The following SORT1 variants were observed in gnomAD, a reference collection of about 807,000 sequenced individuals.
SORT1 encodes the protein sortilin.
SORT1 carries 39 observed loss-of-function variants against 101.7 expected under a neutral mutation model. The ratio of observed to expected loss-of-function variants is 0.38; its 90% CI spans 0.30 to 0.50. The LOEUF (loss-of-function observed/expected upper bound fraction) is 0.50, where lower values mean the gene tolerates loss of function less well. Ranked by LOEUF, SORT1 falls within the 20% of genes least tolerant of loss-of-function variation. SORT1 has a pLI of 0.90. For missense variants in SORT1, 878 were observed against 1,040.4 expected (o/e 0.84, Z 2.15); for synonymous variants, 396 against 393.7 (o/e 1.01, Z -0.07).
chr1:109,365,376 C>T (rs570963690), intron 3 of SORT1, among the ~76,000 whole-genome samples: 133 of 152,252 alleles, frequency 8.7e-4, no homozygotes, highest in African/African-American at 3.0e-3. Context: ...GTGTGTGACA[C>T]CATGCCCAGC....
Position 109,311,314 on chromosome 1 carries a change from C to T in SORT1, c.*2729G>A, listed in dbSNP as rs1005573400. On this transcript the variant is annotated 3_prime_UTR_variant, in exon 20 of 20. Coordinates refer to ENST00000256637, the MANE Select transcript of SORT1 (RefSeq NM_002959.7). ...CCAGAAATGATCTCTTCTGCTACAT[C>T]AAGCCTGGGAGTTTACACAATGATA... The T allele has an allele frequency of 4.6e-5, 7 of 152,226 alleles. No individual in the cohort carries two copies. Among genetic ancestry groups the T allele is most frequent in the African/African-American group, 1.7e-4 (7 of 41,450 alleles). The allele number at this position is 152,226 out of a possible 1,614,324, so 9.4% of individuals were successfully genotyped here. A position where few individuals can be genotyped will look rare whatever the true frequency, so the allele number is the denominator to read the frequency against.
chr1:109,316,703 T>A (rs2101526521), intron 17 of SORT1, 147 bp downstream of exon 17: 2 of 572,728 alleles, frequency 3.5e-6, no homozygotes, highest in Non-Finnish European at 6.2e-6. Flanking sequence ...TCCTTCATGC[T>A]AACAGCTTCC....
rs770876076 is a variant in SORT1, at chr1:109,340,851, T to C, written c.1137A>G (p.Ser379=). 1.9e-6 allele frequency: 3 copies of C among 1,613,738 alleles called. No individual in the cohort carries two copies. Among genetic ancestry groups the C allele is most frequent in the Non-Finnish European group, 2.5e-6 (3 of 1,179,730 alleles). ...GDTGFGTIFT[S]DDRGIVYSKS... ...TGGAATAGACAATGCCTCGATCATC[T>C]GAGGTAAAGATTGTGCCAAACCCAG... The change falls in exon 10 of 20, where the codon TCA becomes TCG. Residue 379 remains serine, a synonymous_variant. Transcript: ENST00000256637.
chr1:109,349,151 C>T (rs566074046), intron 6 of SORT1, among the ~76,000 whole-genome samples: 54 of 152,178 alleles, frequency 3.5e-4, no homozygotes, highest in Non-Finnish European at 5.3e-4. Flanking sequence ...TTGAGACCAG[C>T]TTGGCCAACA....
At chr1:109,370,003 C>T (rs1241976972) in intron 1 of SORT1, among the ~76,000 whole-genome samples, 1 of 152,182 alleles carries the variant, frequency 6.6e-6, no homozygotes, top group Non-Finnish European at 1.5e-5. Flanking sequence ...TTCTGGGCAT[C>T]CTTTACAGTA....
chr1:109,320,992 T>C (rs185595490), intron 15 of SORT1, among the ~76,000 whole-genome samples: 8 of 152,194 alleles, frequency 5.3e-5, no homozygotes, highest in Admixed American at 2.6e-4. Context: ...GGCTCTGGAG[T>C]TGGGATGCCA....
intron 1 of SORT1, among the ~76,000 whole-genome samples, chr1:109,381,790 G>A (rs938122687): frequency 1.3e-5 from 2 of 152,082 alleles, no homozygotes; most frequent in Non-Finnish European, 2.9e-5. Context: ...TTTGAGCCCA[G>A]GAGGTCAAGG....
chr1:109,340,707 G>T lies in SORT1; in HGVS notation c.1264+17C>A. ...GCAGCTGAAGGCACAGTACACCACT[G>T]CGATGCCGAGACTCACCTTCGGAGA... is the stretch of plus-strand genomic sequence containing the variant. On this transcript the variant is annotated intron_variant, in intron 10 of 19. Coordinates refer to ENST00000256637, the MANE Select transcript of SORT1 (RefSeq NM_002959.7). 1 of 1,613,752 alleles carries T rather than the reference G, an allele frequency of 6.2e-7. No individual in the cohort carries two copies. Among genetic ancestry groups the T allele is most frequent in the Non-Finnish European group, 8.5e-7 (1 of 1,179,800 alleles).
chr1:109,329,020 G>A (rs938886108), intron 11 of SORT1, among the ~76,000 whole-genome samples: 25 of 152,002 alleles, frequency 1.6e-4, no homozygotes, highest in South Asian at 4.1e-4. Context: ...CAGGCCTGCC[G>A]CAGAGGACCC....
Position 109,347,487 on chromosome 1 carries a change from G to A in SORT1, c.828C>T (p.Ser276=), listed in dbSNP as rs1481193289. 14 of 1,606,260 alleles carry A rather than the reference G, an allele frequency of 8.7e-6. No homozygotes were observed. The highest frequency in any genetic ancestry group is 1.2e-5 in the Non-Finnish European group (14 of 1,173,066). ...TIFFTTYANG[S]CKADLGALEL... ...CTGGGACTAAAATATACTTACTGCA[G>A]GAGCCATTTGCATAGGTTGTAAAGA... The change falls in exon 7 of 20, where the codon TCC becomes TCT. Residue 276 remains serine (S), a synonymous_variant. Transcript: ENST00000256637.
At chr1:109,345,716 A>G (rs779992863) in intron 8 of SORT1, 35 bp downstream of exon 8, 2 of 1,576,500 alleles carry the variant, frequency 1.3e-6, no homozygotes, top group East Asian at 2.2e-5. Flanking sequence ...ATTTGCAGAA[A>G]TATCAGACCC....
At chr1:109,335,336 G>A (rs769316808) in intron 11 of SORT1, among the ~76,000 whole-genome samples, 4 of 152,172 alleles carry the variant, frequency 2.6e-5, no homozygotes, top group Non-Finnish European at 4.4e-5. Context: ...AACCTGCCCA[G>A]GCTTAAGGTG....
intron 11 of SORT1, among the ~76,000 whole-genome samples, chr1:109,333,272 T>A (rs1648582595): frequency 6.6e-6 from 1 of 152,072 alleles, no homozygotes; most frequent in Non-Finnish European, 1.5e-5. Context: ...CAAAATGGAT[T>A]AGAGACATAA....
In SORT1 at chr1:109,322,915, C is replaced by G. The variant is rs371083926; in HGVS notation, c.2024+17G>C. On this transcript the variant is annotated intron_variant, in intron 15 of 19. Transcript: ENST00000256637. Reference sequence around the variant, plus strand: ...AACAGGGAAAGGGAGACAGAGAAATCTGAGGAATGCTGATACCAGAGAAAG... The same window carrying G: ...AACAGGGAAAGGGAGACAGAGAAATGTGAGGAATGCTGATACCAGAGAAAG... The G allele has an allele frequency of 1.0e-4, 166 of 1,596,042 alleles. No individual in the cohort carries two copies. The highest frequency in any genetic ancestry group is 1.4e-4 in the Non-Finnish European group (161 of 1,166,130).
intron 11 of SORT1, among the ~76,000 whole-genome samples, chr1:109,334,446 A>G (rs1648672137): frequency 6.6e-6 from 1 of 152,202 alleles, no homozygotes; most frequent in Non-Finnish European, 1.5e-5. Context: ...AAAGACAAAT[A>G]CTGCATGATC....
In SORT1 at chr1:109,316,926, C is replaced by T; in HGVS notation, c.2174G>A (p.Gly725Asp). Residue 725 changes from glycine to aspartate, a missense_variant, in exon 17 of 20, where the codon GGT becomes GAT. This residue lies in a region of SORT1 where 684 missense variants were observed against 894.5 expected (regional missense o/e 0.76). Coordinates refer to ENST00000256637, the MANE Select transcript of SORT1 (RefSeq NM_002959.7). ...TACTTCTCGAACTGGATTTACCCCA[C>T]CCTGGCATTTGTCCCCTGGAATTTT... is the stretch of plus-strand genomic sequence containing the variant. ...YRKIPGDKCQGGVNPVREVKD... is the reference protein window; with the variant it reads ...YRKIPGDKCQDGVNPVREVKD... The T allele has an allele frequency of 1.2e-6, 2 of 1,610,908 alleles. No homozygotes were observed. The highest frequency in any genetic ancestry group is 1.7e-4 in the Middle Eastern group (1 of 6,060).
At chr1:109,374,136 G>T (rs1482994229) in intron 1 of SORT1, among the ~76,000 whole-genome samples, 1 of 151,870 alleles carries the variant, frequency 6.6e-6, no homozygotes, top group East Asian at 1.9e-4. Context: ...AAGAAATCAG[G>T]ACCCATAATG....
In SORT1 at chr1:109,309,767, C is replaced by T. The variant is rs1385135984; in HGVS notation, c.*4276G>A. ...GTAACTGACGTGGGTCACTGAAACT[C>T]GATTATCCCACCTCACATGCAATTT... On this transcript the variant is annotated 3_prime_UTR_variant, in exon 20 of 20. Coordinates refer to ENST00000256637, the MANE Select transcript of SORT1 (RefSeq NM_002959.7). The T allele has an allele frequency of 6.6e-6, 1 of 152,176 alleles. No homozygotes were observed. Among genetic ancestry groups the T allele is most frequent in the Non-Finnish European group, 1.5e-5 (1 of 68,036 alleles). 9.4% of individuals were successfully genotyped at this position (152,176 alleles called of 1,614,324 possible). A position where few individuals can be genotyped will look rare whatever the true frequency, so the allele number is the denominator to read the frequency against.
At chr1:109,315,103 T>C (rs1197281590) in intron 17 of SORT1, among the ~76,000 whole-genome samples, 2 of 152,108 alleles carry the variant, frequency 1.3e-5, no homozygotes, top group Admixed American at 6.5e-5. Flanking sequence ...GTCTTGGGGC[T>C]TAAGGGTGGA....
Sources: gnomAD v4.1 joint callset for allele counts (sites outside exome capture counted in the v4.1 genomes callset) on GRCh38, gnomAD v4.1.1 for gene constraint, gnomAD v4.1.1 regional missense constraint, MANE v1.5 for transcripts, NCBI Gene and HGNC (gene_info 2026-07-23, HGNC 2026-07-21) for gene names.